Variants in SVOP observed in about 807,000 individuals in gnomAD.
SVOP encodes synaptic vesicle 2-related protein.
SVOP carries 17 observed loss-of-function variants against 69.1 expected under a neutral mutation model. The observed-to-expected ratio is 0.25, with a 90% confidence interval of 0.17 to 0.37. The LOEUF (loss-of-function observed/expected upper bound fraction) is 0.37. SVOP is among the 10% of genes least tolerant of loss of function. The pLI is 1.00. For synonymous variants in SVOP, 238 were observed against 238.6 expected, an observed-to-expected ratio of 1.00 and a Z score of 0.02; for missense variants, 435 against 597.5, an observed-to-expected ratio of 0.73 and a Z score of 2.84.
rs553854010 is a variant in SVOP, at chr12:108,929,970, A to G, written c.1048+4225T>C. Among the ~76,000 whole-genome samples the G allele has an allele frequency of 4.7e-5, 6 of 128,670 alleles. 1 individual carries two copies. Among genetic ancestry groups the G allele is most frequent in the African/African-American group, 1.2e-4 (5 of 40,848 alleles). 84.4% of individuals were successfully genotyped at this position (128,670 alleles called of 152,430 possible). ...TAATTTCCAGCTGTGGGCTTGTTCTACAGTTTTACTTTCCCACCCAGGTAT... is the reference window on the plus strand; with the variant it reads ...TAATTTCCAGCTGTGGGCTTGTTCTGCAGTTTTACTTTCCCACCCAGGTAT... On this transcript the variant is annotated intron_variant, in intron 11 of 15. Coordinates refer to ENST00000610966, the MANE Select transcript of SVOP (RefSeq NM_018711.5).
intron 5 of SVOP, among the ~76,000 whole-genome samples, chr12:108,967,484 G>A (rs1470704675): frequency 1.3e-5 from 2 of 151,000 alleles, no homozygotes; most frequent in Non-Finnish European, 2.9e-5. Context: ...GGGTGACAAA[G>A]CGCGACTTTG....
intron 7 of SVOP, among the ~76,000 whole-genome samples, chr12:108,943,337 C>T (rs941570182): frequency 6.6e-6 from 1 of 151,974 alleles, no homozygotes; most frequent in South Asian, 2.1e-4. Flanking sequence ...GTGGCTCACA[C>T]CTGTAATCCC....
chr12:108,959,190 C>T (rs962567837), intron 6 of SVOP, among the ~76,000 whole-genome samples: 3 of 152,050 alleles, frequency 2.0e-5, no homozygotes, highest in Non-Finnish European at 2.9e-5. Flanking sequence ...TCCTTACCTC[C>T]AAGCTGTTCT....
intron 7 of SVOP, among the ~76,000 whole-genome samples, chr12:108,943,440 CA>C (rs200858363): frequency 0.02 from 3,038 of 150,446 alleles, 44 homozygotes; most frequent in Middle Eastern, 0.085. Context: ...ACTAAAAATA[CA>C]AAAAAAAATT....
chr12:108,983,408 G>T (rs2137438390), intron 2 of SVOP, among the ~76,000 whole-genome samples, 193 bp downstream of exon 2: 1 of 152,246 alleles, frequency 6.6e-6, no homozygotes, highest in African/African-American at 2.4e-5. Context: ...CATTGATGCT[G>T]ACTGGCAGGG....
chr12:108,931,239 G>A (rs1241552619), intron 11 of SVOP, among the ~76,000 whole-genome samples: 1 of 152,128 alleles, frequency 6.6e-6, no homozygotes, highest in Non-Finnish European at 1.5e-5. Context: ...TATTAACTAT[G>A]ATTATAGAGG....
chr12:108,957,977 G>A (rs1210698957), intron 6 of SVOP, among the ~76,000 whole-genome samples: 1 of 152,222 alleles, frequency 6.6e-6, no homozygotes, highest in Non-Finnish European at 1.5e-5. Context: ...TCTTAGGCGG[G>A]GTGAGCTGAT....
intron 11 of SVOP, among the ~76,000 whole-genome samples, chr12:108,930,866 T>C (rs1001752560): frequency 2.0e-5 from 3 of 152,380 alleles, no homozygotes; most frequent in Admixed American, 6.5e-5. Flanking sequence ...ACTTAAAATA[T>C]GCAAGGAGGC....
At chr12:108,924,429 TC>T (rs2039768295) in intron 11 of SVOP, among the ~76,000 whole-genome samples, 1 of 152,212 alleles carries the variant, frequency 6.6e-6, no homozygotes, top group Admixed American at 6.5e-5. Context: ...GGCATCTCCA[TC>T]CTTCCAGTTG....
chr12:108,985,216 G>A (rs1047057401), intron 1 of SVOP, among the ~76,000 whole-genome samples: 1 of 150,444 alleles, frequency 6.6e-6, no homozygotes, highest in Non-Finnish European at 1.5e-5. Context: ...AACAGAGAGA[G>A]ACCCTATCTG....
At chr12:109,002,998 T>TAA (rs1211941674) in intron 1 of SVOP, among the ~76,000 whole-genome samples, 1 of 29,188 alleles carries the variant, frequency 3.4e-5, no homozygotes, top group Non-Finnish European at 9.7e-5. Context: ...AATAAATAAA[T>TAA]AAATAAAAAT....
At chr12:108,957,554 C>T (rs961704362) in intron 6 of SVOP, among the ~76,000 whole-genome samples, 2 of 152,200 alleles carry the variant, frequency 1.3e-5, no homozygotes, top group Admixed American at 6.5e-5. Flanking sequence ...TCACCGTGGG[C>T]TCCTTGGGTC....
chr12:108,930,487 G>T (rs2039810725), intron 11 of SVOP, among the ~76,000 whole-genome samples: 2 of 148,942 alleles, frequency 1.3e-5, no homozygotes, highest in South Asian at 4.2e-4. Flanking sequence ...GCCCAGGCTG[G>T]AGTGCAGTGG....
Position 108,907,761 on chromosome 12 carries a change from G to T in SVOP, c.*4774C>A, listed in dbSNP as rs996762718. The T allele has an allele frequency of 5.3e-5, 8 of 152,352 alleles. No homozygotes were observed. Among genetic ancestry groups the T allele is most frequent in the African/African-American group, 1.9e-4 (8 of 41,558 alleles). 9.4% of individuals were successfully genotyped at this position (152,352 alleles called of 1,614,324 possible). On this transcript the variant is annotated 3_prime_UTR_variant, in exon 16 of 16. Transcript: ENST00000610966. ...GGCATGAGCCACTGCACCCAGCCAG[G>T]ACCATGTCTTATGATATTTTGCATC...
intron 11 of SVOP, chr12:108,926,436 G>A (rs928387640): frequency 6.6e-6 from 1 of 152,134 alleles, no homozygotes; most frequent in Admixed American, 6.6e-5. Context: ...CCAATCCACA[G>A]AAATATGGCA....
chr12:108,947,864 G>A (rs895061383), intron 6 of SVOP, among the ~76,000 whole-genome samples: 12 of 152,166 alleles, frequency 7.9e-5, no homozygotes, highest in Admixed American at 6.5e-4. Flanking sequence ...GGGATAAAGG[G>A]AAGTTAATTT....
At chr12:108,984,169 A>T (rs1048089626) in intron 1 of SVOP, among the ~76,000 whole-genome samples, 2 of 152,136 alleles carry the variant, frequency 1.3e-5, no homozygotes, top group Admixed American at 1.3e-4. Flanking sequence ...CCATATTTCT[A>T]AAAGTTTAAA....
chr12:108,958,316 T>TA (rs36140472), intron 6 of SVOP, among the ~76,000 whole-genome samples: 67,851 of 149,786 alleles, frequency 0.45, 18,578 homozygotes, highest in South Asian at 0.63. Flanking sequence ...TTTTTTTTTT[T>TA]AATTTAATAC....
At chr12:108,953,111 A>T (rs1226373962) in intron 6 of SVOP, among the ~76,000 whole-genome samples, 2 of 148,812 alleles carry the variant, frequency 1.3e-5, no homozygotes, top group African/African-American at 2.5e-5. Flanking sequence ...GCGTAGAGGA[A>T]TGGGCTCCTT....
Sources: gnomAD v4.1 joint callset for allele counts (sites outside exome capture counted in the v4.1 genomes callset) on GRCh38, gnomAD v4.1.1 for gene constraint, MANE v1.5 for transcripts, NCBI Gene and HGNC (gene_info 2026-07-23, HGNC 2026-07-21) for gene names.